Variants in PACSIN1 observed in about 807,000 individuals in gnomAD.
The protein encoded by PACSIN1 is protein kinase C and casein kinase substrate in neurons protein 1.
Under a neutral mutation model 59.5 loss-of-function variants are expected in PACSIN1, and 15 were observed. The observed-to-expected ratio is 0.25, with a 90% CI of 0.17 to 0.39. The LOEUF (loss-of-function observed/expected upper bound fraction) is 0.39, where lower values mean the gene tolerates loss of function less well. PACSIN1 is among the 10% of genes least tolerant of loss of function. PACSIN1 has a pLI of 1.00. For missense variants in PACSIN1, 420 were observed against 580.2 expected, an observed-to-expected ratio of 0.72 and a Z score of 2.84; for synonymous variants, 210 against 220.6, an observed-to-expected ratio of 0.95 and a Z score of 0.42.
intron 1 of PACSIN1, among the ~76,000 whole-genome samples, chr6:34,478,369 C>CTTTTT (rs35124068): frequency 2.9e-5 from 2 of 67,882 alleles, no homozygotes; most frequent in African/African-American, 6.3e-5. Flanking sequence ...TATTTATCTT[C>CTTTTT]TTTTTTTTTT....
rs1767578029 is a variant in PACSIN1, at chr6:34,530,682, A to T, written c.1037+95A>T. 1 of 1,251,216 alleles carries T rather than the reference A, an allele frequency of 8.0e-7. No homozygotes were observed. Among genetic ancestry groups the T allele is most frequent in the African/African-American group, 1.5e-5 (1 of 65,742 alleles). The allele number at this position is 1,251,216 out of a possible 1,614,324, so 77.5% of individuals were successfully genotyped here. ...CAGAAGACAAGAAATGGTCTAGATC[A>T]TAGCAACTATGTCTCCTCTCTAAAA... On this transcript the variant is annotated intron_variant, in intron 8 of 9. Transcript: ENST00000244458. This position sits in a 1 kb window ranked among gnomAD's most constrained non-coding sequence, Gnocchi z 4.4.
At chr6:34,468,119 G>A (rs1158821366) in intron 1 of PACSIN1, among the ~76,000 whole-genome samples, 1 of 152,238 alleles carries the variant, frequency 6.6e-6, no homozygotes, top group East Asian at 1.9e-4. Flanking sequence ...GGGAAGCTGG[G>A]AAGGCCCAAG....
At chr6:34,506,495 G>A (rs7755546) in intron 1 of PACSIN1, among the ~76,000 whole-genome samples, 1,961 of 152,326 alleles carry the variant, frequency 0.013, 37 homozygotes, top group African/African-American at 0.044. Context: ...AATTGCAGGC[G>A]TGAGCCATTG....
rs1013042895 is a variant in PACSIN1, at chr6:34,532,862, ACTCC to A, written c.*337_*340del. ...TCTCCTGACCCTTCCACCCCGCCTC[ACTCC>A]CTCCGTCCCACTCCACTCCAGGCTG... On this transcript the variant is annotated 3_prime_UTR_variant, in exon 10 of 10. Coordinates refer to ENST00000244458, the MANE Select transcript of PACSIN1 (RefSeq NM_020804.5). The surrounding 1 kb of genome is among the most constrained non-coding windows in gnomAD (Gnocchi z 5.2). The A allele has an allele frequency of 5.7e-5, 12 of 210,240 alleles. No individual in the cohort carries two copies. Among genetic ancestry groups the A allele is most frequent in the African/African-American group, 2.6e-4 (11 of 42,618 alleles). The allele number at this position is 210,240 out of a possible 1,614,324, so 13.0% of individuals were successfully genotyped here. A position where few individuals can be genotyped will look rare whatever the true frequency, so the allele number is the denominator to read the frequency against.
chr6:34,506,990 G>A (rs1767126011), intron 1 of PACSIN1, among the ~76,000 whole-genome samples: 1 of 152,170 alleles, frequency 6.6e-6, no homozygotes, highest in South Asian at 2.1e-4. Context: ...GGGAGCATGG[G>A]CCTGGGGCTG....
chr6:34,467,254 A>G (rs11759825), intron 1 of PACSIN1, among the ~76,000 whole-genome samples: 63,579 of 151,978 alleles, frequency 0.42, 13,959 homozygotes, highest in Admixed American at 0.5. Context: ...CCCCTGCCCT[A>G]TGTTCTTGGA....
rs979589719 is a variant in PACSIN1, at chr6:34,480,101, C to T, written c.-64+13831C>T. ...TCGGCCTCCCAAAGTGCTGGGATTA[C>T]AGGCATGAGCCACCACTCCTGGCAA... On this transcript the variant is annotated intron_variant, in intron 1 of 9. Transcript: ENST00000244458. 2.0e-5 allele frequency among the ~76,000 whole-genome samples: 3 copies of T among 152,240 alleles called. No homozygotes were observed. The East Asian group carries it at 5.8e-4, about 29-fold the overall frequency.
rs578072248 is a variant in PACSIN1 at position 34,467,308 on chromosome 6, A to G, written c.-64+1038A>G. ...ATTTGTCTTGTTCATCTCCTTCTAG[A>G]CCAGAAGTACCTTCAGGCTGGGAAT... is the stretch of plus-strand genomic sequence containing the variant. On this transcript the variant is annotated intron_variant, in intron 1 of 9. Coordinates refer to ENST00000244458, the MANE Select transcript of PACSIN1 (RefSeq NM_020804.5). Among the ~76,000 whole-genome samples the G allele has an allele frequency of 2.8e-3, 430 of 152,204 alleles. 4 individuals are homozygous for G. Among genetic ancestry groups the G allele is most frequent in the African/African-American group, 9.8e-3 (407 of 41,518 alleles).
At chr6:34,483,639 T>C (rs1487015210) in intron 1 of PACSIN1, among the ~76,000 whole-genome samples, 1 of 43,106 alleles carries the variant, frequency 2.3e-5, no homozygotes, top group Non-Finnish European at 4.7e-5. Context: ...CAAGGACTTT[T>C]TTTTTTTTTT....
intron 1 of PACSIN1, among the ~76,000 whole-genome samples, chr6:34,509,192 T>C (rs1382506937): frequency 2.6e-5 from 4 of 152,252 alleles, no homozygotes; most frequent in African/African-American, 4.8e-5. Flanking sequence ...TTTTTGTCTA[T>C]GGTGTAAGAT....
In PACSIN1 at chr6:34,531,600, T is replaced by C; in HGVS notation, c.1038T>C (p.Ser346=). ...GCTGGCTCCTTCCTCCGCGTCTCAGTGTTAGCAGCTACGACAGAGGCCAGC... is the reference window on the plus strand; with the variant it reads ...GCTGGCTCCTTCCTCCGCGTCTCAGCGTTAGCAGCTACGACAGAGGCCAGC... ...ESTSQAGDRG[S]VSSYDRGQPY... Residue 346 remains serine (S), a splice_region_variant and synonymous_variant, in exon 9 of 10, where the codon AGT becomes AGC. Coordinates refer to ENST00000244458, the MANE Select transcript of PACSIN1 (RefSeq NM_020804.5). The surrounding 1 kb of genome is among the most constrained non-coding windows in gnomAD (Gnocchi z 4.4). The C allele has an allele frequency of 6.2e-7, 1 of 1,613,596 alleles. No homozygotes were observed. The highest frequency in any genetic ancestry group is 8.5e-7 in the Non-Finnish European group (1 of 1,179,914).
At chr6:34,526,454 TCAGGCCCCACTCCGCAGTCCCC>T in intron 2 of PACSIN1, 86 bp downstream of exon 2, 2 of 1,124,434 alleles carry the variant, frequency 1.8e-6, no homozygotes, top group Non-Finnish European at 2.6e-6. Context: ...CCCCATGACC[TCAGGCCCCACTCCGCAGTCCCC>T]CAGGCCCCTC....
At chr6:34,470,425 C>T (rs561950329) in intron 1 of PACSIN1, among the ~76,000 whole-genome samples, 4 of 152,174 alleles carry the variant, frequency 2.6e-5, no homozygotes, top group African/African-American at 9.6e-5. Context: ...GTGATCCACC[C>T]GCCTCGGCCT....
At position 34,529,065 on chromosome 6, in the gene PACSIN1, G is replaced by A. The variant is rs1012571452; in HGVS notation, c.456+188G>A. On this transcript the variant is annotated intron_variant, in intron 4 of 9. Coordinates refer to ENST00000244458, the MANE Select transcript of PACSIN1 (RefSeq NM_020804.5). The surrounding 1 kb of genome is among the most constrained non-coding windows in gnomAD (Gnocchi z 6.3). Reference sequence around the variant, plus strand: ...GGGTAGGCAGTGCCCATTGGGTAAGGAGACCCATGGGCAAAAAGGGGCACT... The same window carrying A: ...GGGTAGGCAGTGCCCATTGGGTAAGAAGACCCATGGGCAAAAAGGGGCACT... 5.9e-5 allele frequency among the ~76,000 whole-genome samples: 9 copies of A among 152,124 alleles called. No homozygotes were observed. The highest frequency in any genetic ancestry group is 1.2e-4 in the Non-Finnish European group (8 of 68,018).
At position 34,476,434 on chromosome 6, in the gene PACSIN1, C is replaced by G. The variant is rs140834486; in HGVS notation, c.-64+10164C>G. On this transcript the variant is annotated intron_variant, in intron 1 of 9. Coordinates refer to ENST00000244458, the MANE Select transcript of PACSIN1 (RefSeq NM_020804.5). ...CCAGCCCTCCCCACACTCCCTCCCC[C>G]CTCCACCAGCAGGATATCTGGTGTC... 4.1e-3 allele frequency among the ~76,000 whole-genome samples: 624 copies of G among 152,126 alleles called. 4 individuals are homozygous for G. Among genetic ancestry groups the G allele is most frequent in the African/African-American group, 0.014 (569 of 41,480 alleles).
chr6:34,471,300 G>A (rs895210596), intron 1 of PACSIN1, among the ~76,000 whole-genome samples: 1 of 152,202 alleles, frequency 6.6e-6, no homozygotes, highest in Non-Finnish European at 1.5e-5. Flanking sequence ...AGGGAGGAGT[G>A]GAGAGAGAGG....
chr6:34,517,808 T>C (rs1767318940), intron 1 of PACSIN1, among the ~76,000 whole-genome samples: 1 of 152,192 alleles, frequency 6.6e-6, no homozygotes, highest in Non-Finnish European at 1.5e-5. Flanking sequence ...TGATTACCAC[T>C]TATTTATCTC....
intron 1 of PACSIN1, among the ~76,000 whole-genome samples, chr6:34,492,716 C>T (rs550152438): frequency 1.3e-5 from 2 of 152,266 alleles, no homozygotes; most frequent in South Asian, 4.1e-4. Context: ...AATGCATGAA[C>T]GGAAAACCAA....
intron 1 of PACSIN1, among the ~76,000 whole-genome samples, chr6:34,471,850 C>A (rs1766574712): frequency 6.6e-6 from 1 of 152,136 alleles, no homozygotes; most frequent in Admixed American, 6.5e-5. Flanking sequence ...AAAGTCAAGA[C>A]CTCTTTGTAC....
Sources: gnomAD v4.1 joint callset for allele counts (sites outside exome capture counted in the v4.1 genomes callset) on GRCh38, gnomAD v4.1.1 for gene constraint, Gnocchi (gnomAD v3.1) non-coding constraint, MANE v1.5 for transcripts, NCBI Gene and HGNC (gene_info 2026-07-23, HGNC 2026-07-21) for gene names.